ST6GALNAC3: variants seen among roughly 807,000 people sequenced by gnomAD.
ST6GALNAC3 encodes the protein alpha-N-acetylgalactosaminide alpha-2,6-sialyltransferase 3.
In ST6GALNAC3, 25 loss-of-function variants were observed where a neutral mutation model predicts 32.7. The ratio of observed to expected loss-of-function variants is 0.76; its 90% confidence interval spans 0.56 to 1.07. The LOEUF (loss-of-function observed/expected upper bound fraction) is 1.07, where lower values mean the gene tolerates loss of function less well. ST6GALNAC3 is among the 50% of genes least tolerant of loss of function. The pLI is 0.00. For synonymous variants in ST6GALNAC3, 129 were observed against 133.1 expected (o/e 0.97, Z 0.21); for missense variants, 355 against 382.4 (o/e 0.93, Z 0.60).
chr1:76,515,323 A>G (rs1291111265), intron 3 of ST6GALNAC3, among the ~76,000 whole-genome samples: 1 of 151,774 alleles, frequency 6.6e-6, no homozygotes, highest in Non-Finnish European at 1.5e-5. Context: ...ATCTTATCAT[A>G]TTTTTTCATA....
intron 3 of ST6GALNAC3, among the ~76,000 whole-genome samples, chr1:76,486,806 G>T (rs1277669495): frequency 6.6e-6 from 1 of 152,218 alleles, no homozygotes; most frequent in African/African-American, 2.4e-5. Flanking sequence ...AGTTGATGCA[G>T]TTTCTTCCTA....
chr1:76,225,689 A>G (rs1309543169), intron 1 of ST6GALNAC3, among the ~76,000 whole-genome samples: 1 of 152,210 alleles, frequency 6.6e-6, no homozygotes, highest in Non-Finnish European at 1.5e-5. Context: ...GAGCTTGTGC[A>G]AAACTGGGGG....
intron 3 of ST6GALNAC3, among the ~76,000 whole-genome samples, chr1:76,615,594 T>C (rs1046129666): frequency 1.3e-5 from 2 of 152,220 alleles, no homozygotes; most frequent in African/African-American, 4.8e-5. Context: ...GTTCTTCTCA[T>C]TTTTATAGCT....
At chr1:76,451,090 G>A (rs971418141) in intron 3 of ST6GALNAC3, among the ~76,000 whole-genome samples, 1 of 152,266 alleles carries the variant, frequency 6.6e-6, no homozygotes, top group Non-Finnish European at 1.5e-5. Flanking sequence ...TGTGAAGAAC[G>A]ATGGTTGTAT....
intron 3 of ST6GALNAC3, among the ~76,000 whole-genome samples, chr1:76,541,540 G>T (rs1043379517): frequency 6.6e-6 from 1 of 152,202 alleles, no homozygotes; most frequent in African/African-American, 2.4e-5. Flanking sequence ...ATAAATATTA[G>T]TCATGCAGCT....
At chr1:76,305,190 C>G (rs185157060) in intron 1 of ST6GALNAC3, among the ~76,000 whole-genome samples, 2 of 152,062 alleles carry the variant, frequency 1.3e-5, no homozygotes, top group East Asian at 3.9e-4. Context: ...GGGTCAGGTC[C>G]ATATCTAATC....
At chr1:76,268,488 T>C (rs1006718130) in intron 1 of ST6GALNAC3, among the ~76,000 whole-genome samples, 1 of 152,154 alleles carries the variant, frequency 6.6e-6, no homozygotes, top group Non-Finnish European at 1.5e-5. Flanking sequence ...CAGTCAGCCT[T>C]TCCCTCCAGC....
At chr1:76,259,295 T>G (rs772499654) in intron 1 of ST6GALNAC3, among the ~76,000 whole-genome samples, 6 of 152,100 alleles carry the variant, frequency 3.9e-5, no homozygotes, top group Non-Finnish European at 7.4e-5. Flanking sequence ...GTAGAGACTT[T>G]AGAGATAAAT....
chr1:76,601,213 G>GAAGGAAGGAAGA (rs1292309406), intron 3 of ST6GALNAC3, among the ~76,000 whole-genome samples: 1 of 151,936 alleles, frequency 6.6e-6, no homozygotes, highest in Admixed American at 6.6e-5. Context: ...AAGAAGGAAG[G>GAAGGAAGGAAGA]AAGGAAGGAA....
Position 76,630,313 on chromosome 1 carries a change from T to C in ST6GALNAC3, c.*1507T>C, listed in dbSNP as rs1422811516. 1 of 985,070 alleles carries C rather than the reference T, an allele frequency of 1.0e-6. No homozygotes were observed. Among genetic ancestry groups the C allele is most frequent in the Non-Finnish European group, 1.2e-6 (1 of 829,814 alleles). 61.0% of individuals were successfully genotyped at this position (985,070 alleles called of 1,614,324 possible). On this transcript the variant is annotated 3_prime_UTR_variant, in exon 5 of 5. Transcript: ENST00000328299. ...TGAAAATAAGTAGTTTTGAGAAGTT[T>C]TTCTATATACGTATATATACACGTG...
chr1:76,158,685 G>C (rs1036048071), intron 1 of ST6GALNAC3, among the ~76,000 whole-genome samples: 1 of 152,108 alleles, frequency 6.6e-6, no homozygotes, highest in Non-Finnish European at 1.5e-5. Context: ...TGGTCATAAG[G>C]GTTAAATAAG....
At chr1:76,522,428 T>C (rs1662604244) in intron 3 of ST6GALNAC3, among the ~76,000 whole-genome samples, 1 of 152,164 alleles carries the variant, frequency 6.6e-6, no homozygotes, top group Admixed American at 6.5e-5. Flanking sequence ...TACATATATG[T>C]GATGCAATTT....
In ST6GALNAC3 at chr1:76,123,095, G is replaced by A. The variant is rs144561409; in HGVS notation, c.18+48211G>A. Reference sequence around the variant, plus strand: ...AATGTTTAAGAAGTTTTGCTGGCTGGGCACGGTGGCTCATGCCTGTAATCC... The same window carrying A: ...AATGTTTAAGAAGTTTTGCTGGCTGAGCACGGTGGCTCATGCCTGTAATCC... On this transcript the variant is annotated intron_variant, in intron 1 of 4. Transcript: ENST00000328299. Among the ~76,000 whole-genome samples, 58 of 152,290 alleles carry A rather than the reference G, an allele frequency of 3.8e-4. 4 individuals carry two copies. The highest frequency in any genetic ancestry group is 1.3e-3 in the African/African-American group (53 of 41,560).
intron 1 of ST6GALNAC3, among the ~76,000 whole-genome samples, chr1:76,146,079 A>T (rs1650665739): frequency 6.6e-6 from 1 of 152,246 alleles, no homozygotes; most frequent in African/African-American, 2.4e-5. Flanking sequence ...AGCCAAGGAA[A>T]AAAGGTGCCT....
intron 1 of ST6GALNAC3, among the ~76,000 whole-genome samples, chr1:76,163,331 T>C (rs574816324): frequency 4.5e-4 from 69 of 152,348 alleles, no homozygotes; most frequent in Non-Finnish European, 7.9e-4. Context: ...AGCACAATGC[T>C]GAGTCCACAG....
In ST6GALNAC3 at chr1:76,329,262, G is replaced by T. The variant is rs182269267; in HGVS notation, c.213+15263G>T. ...TTTTGTGCTTTTAACATAGAAGAAT[G>T]CCTCCTAAGTTTTGCAGGCTACATA... is the stretch of plus-strand genomic sequence containing the variant. On this transcript the variant is annotated intron_variant, in intron 2 of 4. Transcript: ENST00000328299. Among the ~76,000 whole-genome samples, 8 of 152,224 alleles carry T rather than the reference G, an allele frequency of 5.3e-5. No individual in the cohort carries two copies. The East Asian group carries it at 1.5e-3, about 29-fold the overall frequency.
In ST6GALNAC3 at chr1:76,634,359, G is replaced by A. The variant is rs988126016; in HGVS notation, c.*5553G>A. 5.9e-6 allele frequency: 1 copy of A among 168,300 alleles called. No individual in the cohort carries two copies. Among genetic ancestry groups the A allele is most frequent in the Non-Finnish European group, 1.2e-5 (1 of 82,974 alleles). The allele number at this position is 168,300 out of a possible 1,614,324, so 10.4% of individuals were successfully genotyped here. A position where few individuals can be genotyped will look rare whatever the true frequency, so the allele number is the denominator to read the frequency against. On this transcript the variant is annotated 3_prime_UTR_variant, in exon 5 of 5. Transcript: ENST00000328299. ...TAATTTCCTTGTGTTTAGCTTTGTT[G>A]TCACTGTTACTGAGTAAATACCCAT...
chr1:76,614,767 A>G (rs1485662028), intron 3 of ST6GALNAC3, among the ~76,000 whole-genome samples: 2 of 149,968 alleles, frequency 1.3e-5, no homozygotes, highest in Non-Finnish European at 3.0e-5. Context: ...AATAAATACC[A>G]ATACGCAAAC....
Position 76,582,297 on chromosome 1 carries a change from C to A in ST6GALNAC3, c.624-45155C>A, listed in dbSNP as rs571253586. 9.8e-5 allele frequency among the ~76,000 whole-genome samples: 15 copies of A among 152,292 alleles called. No individual in the cohort carries two copies. The South Asian group carries it at 1.9e-3, about 19-fold the overall frequency. On this transcript the variant is annotated intron_variant, in intron 3 of 4. Coordinates refer to ENST00000328299, the MANE Select transcript of ST6GALNAC3 (RefSeq NM_152996.4). ...AACCTAGTTTGAGTTGTGCCTCCCA[C>A]AGGCAGTCTTTCCATGTGGCTTGGA...
Sources: allele counts gnomAD v4.1 joint callset (sites outside exome capture counted in the v4.1 genomes callset), GRCh38; gene constraint gnomAD v4.1.1; transcripts MANE v1.5; gene names NCBI Gene and HGNC (gene_info 2026-07-23, HGNC 2026-07-21).